The following TRNAU1AP variants were observed in gnomAD, a reference collection of about 807,000 sequenced individuals.
TRNAU1AP encodes the protein tRNA selenocysteine 1-associated protein 1.
Under a neutral mutation model 43.3 loss-of-function variants are expected in TRNAU1AP, and 33 were observed. That is an observed-to-expected ratio of 0.76 (90% CI 0.58 to 1.02). The LOEUF is 1.02. Ranked by LOEUF, TRNAU1AP falls within the 50% of genes least tolerant of loss-of-function variation. TRNAU1AP has a pLI of 0.00. For synonymous variants in TRNAU1AP, 143 were observed against 129.1 expected, an observed-to-expected ratio of 1.11 and a Z score of -0.73; for missense variants, 290 against 362.7, an observed-to-expected ratio of 0.80 and a Z score of 1.63.
At chr1:28,564,269 A>G (rs146668502) in intron 4 of TRNAU1AP, among the ~76,000 whole-genome samples, 116 of 152,368 alleles carry the variant, frequency 7.6e-4, no homozygotes, top group African/African-American at 2.6e-3. Flanking sequence ...CATCTCAGAA[A>G]AAAAGATTGG....
At chr1:28,567,496 T>C in intron 6 of TRNAU1AP, 83 bp downstream of exon 6, 1 of 1,446,418 alleles carries the variant, frequency 6.9e-7, no homozygotes, top group Non-Finnish European at 9.2e-7. Context: ...AGGGCATCCA[T>C]ACGCTGGATG....
At chr1:28,570,716 C>G (rs1665646111) in intron 6 of TRNAU1AP, among the ~76,000 whole-genome samples, 1 of 152,146 alleles carries the variant, frequency 6.6e-6, no homozygotes. Context: ...CTTAACCTCT[C>G]TGTTCCTCAG....
chr1:28,566,501 C>A (rs1361379727), intron 5 of TRNAU1AP, among the ~76,000 whole-genome samples: 2 of 151,680 alleles, frequency 1.3e-5, no homozygotes, highest in Non-Finnish European at 2.9e-5. Flanking sequence ...GCCTGTAATC[C>A]CAGCACTTTG....
At chr1:28,557,555 A>G (rs1303702738) in intron 2 of TRNAU1AP, among the ~76,000 whole-genome samples, 1 of 102,326 alleles carries the variant, frequency 9.8e-6, no homozygotes, top group African/African-American at 3.9e-5. Flanking sequence ...CTTGGGTCTT[A>G]TCTTTTCTCC....
chr1:28,578,524 T>C lies in TRNAU1AP; in HGVS notation c.*888T>C, dbSNP rs1277485653. 1.2e-5 allele frequency: 4 copies of C among 321,538 alleles called. No individual in the cohort carries two copies. Among genetic ancestry groups the C allele is most frequent in the Non-Finnish European group, 1.9e-5 (3 of 155,474 alleles). The allele number at this position is 321,538 out of a possible 1,614,324, so 19.9% of individuals were successfully genotyped here. On this transcript the variant is annotated 3_prime_UTR_variant, in exon 9 of 9. Transcript: ENST00000373830. ...GACCAGTTCGGTCTCTACAAAAAAA[T>C]ACAAACACAAATATACTTTTATTAG...
intron 2 of TRNAU1AP, among the ~76,000 whole-genome samples, chr1:28,556,358 A>T (rs1406532280): frequency 6.6e-6 from 1 of 151,534 alleles, no homozygotes; most frequent in Non-Finnish European, 1.5e-5. Flanking sequence ...CAACTACTTG[A>T]GAGGCTGAGG....
intron 3 of TRNAU1AP, 30 bp from the exon 4 acceptor site, chr1:28,561,316 G>A (rs941172121): frequency 5.0e-6 from 8 of 1,613,626 alleles, no homozygotes; most frequent in Non-Finnish European, 6.8e-6. Context: ...ACCTTTCTCT[G>A]TTTTAGTTTG....
chr1:28,577,650 C>T lies in TRNAU1AP; in HGVS notation c.*14C>T. The T allele has an allele frequency of 6.2e-7, 1 of 1,610,022 alleles. No individual in the cohort carries two copies. Among genetic ancestry groups the T allele is most frequent in the East Asian group, 2.2e-5 (1 of 44,794 alleles). On this transcript the variant is annotated 3_prime_UTR_variant, in exon 9 of 9. Coordinates refer to ENST00000373830, the MANE Select transcript of TRNAU1AP (RefSeq NM_017846.5). ...GCCATGATGTAGCCAGGCCAAAGGA[C>T]AAGCCAGGTTGCATGATGTGAGGGA...
chr1:28,575,701 G>A (rs1294333524), intron 8 of TRNAU1AP, among the ~76,000 whole-genome samples: 2 of 145,656 alleles, frequency 1.4e-5, no homozygotes, highest in South Asian at 2.2e-4. Flanking sequence ...GCGCAATCTC[G>A]CATGCCCAGC....
intron 5 of TRNAU1AP, among the ~76,000 whole-genome samples, chr1:28,566,715 C>T (rs139657212): frequency 2.7e-5 from 4 of 150,042 alleles, no homozygotes; most frequent in Admixed American, 6.7e-5. Flanking sequence ...GCCGAGATCA[C>T]GCCATTGCAC....
rs564467639 is a variant in TRNAU1AP at position 28,575,946 on chromosome 1, T to C, written c.728-1554T>C. Among the ~76,000 whole-genome samples the C allele has an allele frequency of 1.4e-3, 197 of 139,226 alleles. 1 individual carries two copies. The highest frequency in any genetic ancestry group is 1.8e-3 in the Non-Finnish European group (116 of 63,898). 91.3% of individuals were successfully genotyped at this position (139,226 alleles called of 152,430 possible). On this transcript the variant is annotated intron_variant, in intron 8 of 8. Transcript: ENST00000373830. ...TGCCATCTCTGTTCACTGCAACCTCTGCCTCCCGGGTTCAGGTGATTCTCC... is the reference window on the plus strand; with the variant it reads ...TGCCATCTCTGTTCACTGCAACCTCCGCCTCCCGGGTTCAGGTGATTCTCC...
In TRNAU1AP at chr1:28,567,458, G is replaced by C. The variant is rs527708453; in HGVS notation, c.530+45G>C. 4.5e-6 allele frequency: 7 copies of C among 1,550,402 alleles called. No homozygotes were observed. In the East Asian group the frequency reaches 1.4e-4, roughly 31 times the overall value. On this transcript the variant is annotated intron_variant, in intron 6 of 8. Transcript: ENST00000373830. ...TAGAGAGACTCTAGACTCCCCTCCA[G>C]ACACTCCTCTTTTGTTTGCTGAGAA... is the stretch of plus-strand genomic sequence containing the variant.
chr1:28,557,505 T>A (rs1246882176), intron 2 of TRNAU1AP, among the ~76,000 whole-genome samples: 1 of 151,142 alleles, frequency 6.6e-6, no homozygotes, highest in African/African-American at 2.4e-5. Flanking sequence ...GAGGCAGAGT[T>A]TCGCTCTTGT....
intron 4 of TRNAU1AP, among the ~76,000 whole-genome samples, chr1:28,563,599 G>A (rs551674535): frequency 1.3e-5 from 2 of 151,772 alleles, no homozygotes; most frequent in Non-Finnish European, 2.9e-5. Context: ...CAAGAGAATC[G>A]CTTGAACCTG....
chr1:28,573,906 C>T (rs1444766830), intron 8 of TRNAU1AP, among the ~76,000 whole-genome samples: 2 of 151,436 alleles, frequency 1.3e-5, no homozygotes, highest in African/African-American at 4.9e-5. Context: ...CATTGCAGTC[C>T]ATCCTGGGTG....
At chr1:28,566,664 C>T (rs1467662560) in intron 5 of TRNAU1AP, among the ~76,000 whole-genome samples, 2 of 149,836 alleles carry the variant, frequency 1.3e-5, no homozygotes, top group African/African-American at 4.9e-5. Context: ...GAGGCTGAGG[C>T]AGAAGAATGG....
In TRNAU1AP at chr1:28,571,303, T is replaced by TA; in HGVS notation, c.659dup (p.Tyr220Ter). 6.2e-7 allele frequency: 1 copy of TA among 1,613,954 alleles called. No homozygotes were observed. Among genetic ancestry groups the TA allele is most frequent in the Non-Finnish European group, 8.5e-7 (1 of 1,179,908 alleles). Reference protein sequence around the residue: ...DQNTGSYSYSYPQYGYTQSTM... With the variant: ...DQNTGSYSYS ...GAACACAGGCAGCTACAGCTACAGT[T>TA]ACCCCCAGTATGGCTATACCCAGAG... The change falls in exon 7 of 9, where the codon TAC becomes TAAC. Residue 220 changes from tyrosine (Y) to a stop codon, truncating the protein, a stop_gained and frameshift_variant. Transcript: ENST00000373830. LOFTEE classifies it high-confidence loss of function.
chr1:28,569,809 AC>A (rs2124209897), intron 6 of TRNAU1AP, among the ~76,000 whole-genome samples: 1 of 137,302 alleles, frequency 7.3e-6, no homozygotes, highest in East Asian at 2.1e-4. Flanking sequence ...ACATGGTGAA[AC>A]CCCGTCTCTA....
chr1:28,561,273 A>G (rs1477978748), intron 3 of TRNAU1AP, 73 bp from the exon 4 acceptor site: 1 of 1,593,858 alleles, frequency 6.3e-7, no homozygotes, highest in African/African-American at 1.3e-5. Flanking sequence ...AATTTATTTC[A>G]GTTTTCTTCA....
Sources: allele counts gnomAD v4.1 joint callset (sites outside exome capture counted in the v4.1 genomes callset), GRCh38; gene constraint gnomAD v4.1.1; transcripts MANE v1.5; gene names NCBI Gene and HGNC (gene_info 2026-07-23, HGNC 2026-07-21).